PFKFB1: variants seen among roughly 807,000 people sequenced by gnomAD.
PFKFB1 encodes 6-phosphofructo-2-kinase/fructose-2,6-bisphosphatase 1.
A neutral mutation model predicts 46.4 loss-of-function variants in PFKFB1; 34 were observed. That is an observed-to-expected ratio of 0.73 (90% CI 0.56 to 0.98). The LOEUF (loss-of-function observed/expected upper bound fraction) is 0.98. Among genes scored for constraint, PFKFB1 ranks in the 50% least tolerant of loss-of-function variants. The pLI is 0.00. For missense variants in PFKFB1, 393 were observed against 376.3 expected (o/e 1.04, Z -0.37); for synonymous variants, 119 against 133.8 (o/e 0.89, Z 0.76).
rs753943938 is a variant in PFKFB1 at position 54,949,152 on chromosome X, T to A, written c.916A>T (p.Met306Leu). The change falls in exon 9 of 14, where the codon ATG (methionine) becomes TTG (leucine). Residue 306 changes from methionine (M) to leucine (L), a missense_variant. Met to Leu is a conservative substitution (Grantham distance 15, BLOSUM62 2). Transcript: ENST00000375006. ...ISSLKVWTSHMKRTIQTAEAL... is the reference protein window; with the variant it reads ...ISSLKVWTSHLKRTIQTAEAL... ...TCAGCTGTCTGGATGGTCCTCTTCA[T>A]GTGACTGGTCCACACCTTCAGGGAG... The A allele has an allele frequency of 8.3e-7, 1 of 1,210,627 alleles. No homozygotes were observed. Among genetic ancestry groups the A allele is most frequent in the Admixed American group, 2.2e-5 (1 of 45,988 alleles).
chrX:54,959,670 A>G (rs1934253147), intron 4 of PFKFB1, among the ~76,000 whole-genome samples, 157 bp downstream of exon 4: 1 of 111,935 alleles, frequency 8.9e-6, no homozygotes, highest in Admixed American at 9.5e-5. Context: ...GGGGCATAAT[A>G]ACAACACCTA....
Position 54,951,921 on chromosome X carries a change from G to A in PFKFB1, c.830C>T (p.Ser277Leu). ...RGRIGGDSGL[S>L]VRGKQYAYAL... is the part of the protein sequence containing the mutation. ...CCACCCTACCTGCTTGCCGCGAACT[G>A]AGAGGCCAGAGTCACCTCCGATGCG... The change falls in exon 8 of 14, where the codon TCA becomes TTA. Residue 277 changes from serine to leucine, a missense_variant. Transcript: ENST00000375006. 1.7e-6 allele frequency: 2 copies of A among 1,201,116 alleles called. No homozygotes were observed. Among genetic ancestry groups the A allele is most frequent in the Non-Finnish European group, 2.2e-6 (2 of 889,612 alleles).
intron 1 of PFKFB1, among the ~76,000 whole-genome samples, chrX:54,989,191 GTA>G (rs762918833): frequency 2.1e-4 from 23 of 111,651 alleles, no homozygotes; most frequent in Admixed American, 1.8e-3. Context: ...CAAAACCACT[GTA>G]TACTTCAAAA....
At chrX:54,980,794 C>A (rs1934964659) in intron 1 of PFKFB1, among the ~76,000 whole-genome samples, 3 of 106,913 alleles carry the variant, frequency 2.8e-5, no homozygotes, top group African/African-American at 1.0e-4. Flanking sequence ...AGAAACAAAC[C>A]AAAGAATCAG....
rs773830398 is a variant in PFKFB1 at position 54,994,022 on chromosome X, C to T, written c.-15G>A. On this transcript the variant is annotated 5_prime_UTR_variant, in exon 1 of 14. Transcript: ENST00000375006. The stretch of plus-strand genomic sequence containing the variant: ...TCTGGAGACATCTTAGGAGTCGCAC[C>T]GAATGACATCACTGCCCACAAGGTA... 8 of 1,190,202 alleles carry T rather than the reference C, an allele frequency of 6.7e-6. No individual in the cohort carries two copies. Among genetic ancestry groups the T allele is most frequent in the East Asian group, 3.0e-5 (1 of 33,079 alleles).
intron 1 of PFKFB1, among the ~76,000 whole-genome samples, chrX:54,980,710 AACACACACACAC>A (rs751759536): frequency 8.9e-4 from 74 of 83,388 alleles, no homozygotes; most frequent in East Asian, 3.9e-3. Flanking sequence ...AAAAAAAGCC[AACACACACACAC>A]ACACACACAC....
At chrX:54,996,857 T>TC (rs1244394576), upstream of PFKFB1, among the ~76,000 whole-genome samples, 3 of 111,635 alleles carry the variant, frequency 2.7e-5, no homozygotes, top group Non-Finnish European at 5.6e-5. Flanking sequence ...CTTTTCAAGG[T>TC]CTGGTTTGAT....
chrX:54,973,318 G>C (rs982022971), intron 1 of PFKFB1, among the ~76,000 whole-genome samples: 108 of 111,180 alleles, frequency 9.7e-4, no homozygotes, highest in Non-Finnish European at 1.7e-3. Context: ...TTTTTTGAAG[G>C]GTTTTTTGTG....
rs960797480 is a variant in PFKFB1, at chrX:54,934,987, G to A, written c.1251C>T (p.Cys417=). ...TGAGTTTGAGCACTGTGTGCAGAGG[G>A]CACTTGAGATATGGAAGCTCATCTA... ...KSSDELPYLK[C]PLHTVLKLTP... Residue 417 remains cysteine, a synonymous_variant, in exon 12 of 14, where the codon TGC becomes TGT. Coordinates refer to ENST00000375006, the MANE Select transcript of PFKFB1 (RefSeq NM_002625.4). 27 of 1,204,961 alleles carry A rather than the reference G, an allele frequency of 2.2e-5. No individual in the cohort carries two copies. Among genetic ancestry groups the A allele is most frequent in the Non-Finnish European group, 3.0e-5 (27 of 891,231 alleles).
chrX:54,989,973 A>G (rs1405824308), intron 1 of PFKFB1, among the ~76,000 whole-genome samples: 1 of 111,598 alleles, frequency 9.0e-6, no homozygotes, highest in East Asian at 2.8e-4. Flanking sequence ...TGGACTAGAA[A>G]TATTCTGAAA....
At chrX:54,952,239 ATGCAAT>A in intron 7 of PFKFB1, 127 bp from the exon 8 acceptor site, 1 of 516,142 alleles carries the variant, frequency 1.9e-6, no homozygotes, top group South Asian at 2.8e-5. Flanking sequence ...ACCTAATGTG[ATGCAAT>A]GCCTTGCCCT....
chrX:54,933,872 T>C lies in PFKFB1; in HGVS notation c.1305A>G (p.Glu435=), dbSNP rs201014781. 1.7e-6 allele frequency: 2 copies of C among 1,207,721 alleles called. No homozygotes were observed. Among genetic ancestry groups the C allele is most frequent in the African/African-American group, 3.5e-5 (2 of 56,990 alleles). The change falls in exon 13 of 14, where the codon GAA becomes GAG. Residue 435 remains glutamate (E), a synonymous_variant. Transcript: ENST00000375006. ...CGGCCTCCACATTCAGGTAGATGGA[T>C]TCCACTTTGCAGCCTTAGAAAAGAA... ...LTPVAYGCKV[E]SIYLNVEAVN... is the part of the protein sequence containing the mutation.
upstream of PFKFB1, among the ~76,000 whole-genome samples, chrX:54,997,774 G>A (rs1035862069): frequency 2.7e-5 from 3 of 112,049 alleles, no homozygotes; most frequent in Non-Finnish European, 5.6e-5. Context: ...CCTCATGCCT[G>A]GGCCCCAAAC....
upstream of PFKFB1, among the ~76,000 whole-genome samples, chrX:54,996,696 C>T (rs1935361341): frequency 8.9e-6 from 1 of 112,114 alleles, no homozygotes; most frequent in Non-Finnish European, 1.9e-5. Flanking sequence ...TTCAGCCTAT[C>T]TGTCCAGCCA....
intron 1 of PFKFB1, among the ~76,000 whole-genome samples, chrX:54,964,873 G>T (rs1934431936): frequency 9.0e-6 from 1 of 111,205 alleles, no homozygotes. Context: ...AAATGGGAGA[G>T]AAAAAAACAC....
intron 11 of PFKFB1, among the ~76,000 whole-genome samples, chrX:54,936,228 C>T (rs746631422): frequency 9.0e-5 from 10 of 111,270 alleles, no homozygotes; most frequent in Non-Finnish European, 1.5e-4. Flanking sequence ...GCTCTTCTCT[C>T]TCTGGTCCTC....
At chrX:54,958,582 T>G (rs1342125946) in intron 5 of PFKFB1, among the ~76,000 whole-genome samples, 1 of 110,654 alleles carries the variant, frequency 9.0e-6, no homozygotes, top group East Asian at 2.9e-4. Flanking sequence ...TTACTGGGTT[T>G]AGGTCTTATA....
chrX:54,942,054 T>C (rs1472179472), intron 10 of PFKFB1, among the ~76,000 whole-genome samples: 2 of 112,293 alleles, frequency 1.8e-5, no homozygotes, highest in Non-Finnish European at 3.8e-5. Flanking sequence ...CATGAAATAC[T>C]ATGCAGCCAT....
At position 54,973,137 on chromosome X, in the gene PFKFB1, CGTAG is replaced by C. The variant is rs776274741; in HGVS notation, c.98-9759_98-9756del. ...TCTAGTTTATTTGCATAGAGGTGTTCGTAGTATTCTCTGACGGTAGTTTGTATTT... is the reference window on the plus strand; with the variant it reads ...TCTAGTTTATTTGCATAGAGGTGTTCTATTCTCTGACGGTAGTTTGTATTT... On this transcript the variant is annotated intron_variant, in intron 1 of 13. Transcript: ENST00000375006. 2.7e-5 allele frequency among the ~76,000 whole-genome samples: 3 copies of C among 110,720 alleles called. No homozygotes were observed. The South Asian group carries it at 1.1e-3, about 42-fold the overall frequency.
Sources: allele counts gnomAD v4.1 joint callset (sites outside exome capture counted in the v4.1 genomes callset), GRCh38; gene constraint gnomAD v4.1.1; transcripts MANE v1.5; gene names NCBI Gene and HGNC (gene_info 2026-07-23, HGNC 2026-07-21).